LAMC1: variants seen among roughly 807,000 people sequenced by gnomAD.
The protein encoded by LAMC1 is laminin subunit gamma-1.
Under a neutral mutation model 173.6 loss-of-function variants are expected in LAMC1, and 38 were observed. That is an observed-to-expected ratio of 0.22 (90% confidence interval 0.17 to 0.29). The LOEUF (loss-of-function observed/expected upper bound fraction) is 0.29. LAMC1 is among the 10% of genes least tolerant of loss of function. LAMC1 has a pLI of 1.00. For missense variants in LAMC1, 1,824 were observed against 2,051.8 expected (o/e 0.89, Z 2.14); for synonymous variants, 746 against 749.1 (o/e 1.00, Z 0.07).
In LAMC1 at chr1:183,136,582, A is replaced by G. The variant is rs565026981; in HGVS notation, c.4311A>G (p.Gln1437=). The G allele has an allele frequency of 1.2e-5, 19 of 1,596,702 alleles. No individual in the cohort carries two copies. The highest frequency in any genetic ancestry group is 1.4e-5 in the Non-Finnish European group (16 of 1,170,664). The change falls in exon 25 of 28, where the codon CAA becomes CAG. Residue 1437 remains glutamine (Q), a synonymous_variant. Transcript: ENST00000258341. ...CGGAGAGGATCGCGAGCGCTGTCCA[A>G]AAGGTGTGCGTTTCCTCTTCTCCAA... ...HEAERIASAV[Q]KNATSTKAEA...
chr1:183,127,292 G>T lies in LAMC1; in HGVS notation c.3011G>T (p.Arg1004Ile). 3.7e-6 allele frequency: 6 copies of T among 1,614,220 alleles called. No homozygotes were observed. The highest frequency in any genetic ancestry group is 1.7e-5 in the Admixed American group (1 of 60,030). Residue 1004 changes from arginine (R) to isoleucine (I), a missense_variant, in exon 17 of 28, where the codon AGA (arginine) becomes ATA (isoleucine). By Grantham distance (97) the Arg-to-Ile change is moderately conservative (BLOSUM62 -3). Coordinates refer to ENST00000258341, the MANE Select transcript of LAMC1 (RefSeq NM_002293.4). ...QCKDDGRCEC[R>I]EGFVGNRCDQ... is the part of the protein sequence containing the mutation. ...AAAGATGATGGTCGCTGTGAATGCA[G>T]AGAAGGCTTTGTGGGAAATCGCTGT...
intron 20 of LAMC1, 84 bp downstream of exon 20, chr1:183,131,462 T>TGTGTGTGTGTGTGTGTGTG (rs56123159): frequency 2.1e-5 from 18 of 838,026 alleles, no homozygotes; most frequent in African/African-American, 3.7e-5. Flanking sequence ...TGTGTGTGTA[T>TGTGTGTGTGTGTGTGTGTG]TGTCTTATCC....
intron 11 of LAMC1, 112 bp downstream of exon 11, chr1:183,118,258 A>G (rs554291069): frequency 9.1e-4 from 546 of 601,656 alleles, no homozygotes; most frequent in Non-Finnish European, 1.4e-3. Context: ...GAAGTGTATA[A>G]CAACTCACAT....
chr1:183,045,182 A>G (rs1654236419), intron 1 of LAMC1, among the ~76,000 whole-genome samples: 1 of 149,844 alleles, frequency 6.7e-6, no homozygotes, highest in South Asian at 2.1e-4. Flanking sequence ...AGTATGAATT[A>G]TTGTTTTGTA....
intron 1 of LAMC1, among the ~76,000 whole-genome samples, chr1:183,081,923 C>T (rs938532705): frequency 3.9e-5 from 6 of 152,296 alleles, no homozygotes; most frequent in African/African-American, 1.4e-4. Flanking sequence ...CCTCCCCCAC[C>T]TCCAGGCAAT....
chr1:183,033,916 C>T (rs912524772), intron 1 of LAMC1, among the ~76,000 whole-genome samples: 1 of 151,948 alleles, frequency 6.6e-6, no homozygotes, highest in African/African-American at 2.4e-5. Context: ...CCAGGCTGGT[C>T]TCGAACTCCT....
chr1:183,131,424 A>AT (rs759909294), intron 20 of LAMC1, 46 bp downstream of exon 20: 5 of 1,058,498 alleles, frequency 4.7e-6, no homozygotes, highest in African/African-American at 2.4e-5. Context: ...GGCTTCTGTT[A>AT]TGGGGTGTGT....
In LAMC1 at chr1:183,110,660, T is replaced by C; in HGVS notation, c.1021+6T>C. The C allele has an allele frequency of 6.2e-7, 1 of 1,613,112 alleles. No homozygotes were observed. The highest frequency in any genetic ancestry group is 8.5e-7 in the Non-Finnish European group (1 of 1,179,552). The stretch of plus-strand genomic sequence containing the variant: ...AAGTGCCAGTGAATGCCTGCGTGAG[T>C]GCCCCATGACGTCAGTCTGTCAGTT... On this transcript the variant is annotated splice_donor_region_variant and intron_variant, in intron 4 of 27. Transcript: ENST00000258341.
At chr1:183,024,457 A>G (rs1558024628) in intron 1 of LAMC1, among the ~76,000 whole-genome samples, 1 of 152,148 alleles carries the variant, frequency 6.6e-6, no homozygotes, top group Non-Finnish European at 1.5e-5. Context: ...CGTTAATCAG[A>G]AACTCCCATC....
chr1:183,143,516 A>G lies in LAMC1; in HGVS notation c.*726A>G, dbSNP rs937716787. On this transcript the variant is annotated 3_prime_UTR_variant, in exon 28 of 28. Transcript: ENST00000258341. The stretch of plus-strand genomic sequence containing the variant: ...TTTTTTTCAGATCTTTGGGCAGCTG[A>G]TAATTTAAATCTGGATGGGCAGCTT... The G allele has an allele frequency of 6.6e-6, 1 of 152,634 alleles. No individual in the cohort carries two copies. The highest frequency in any genetic ancestry group is 1.5e-5 in the Non-Finnish European group (1 of 68,044). 9.5% of individuals were successfully genotyped at this position (152,634 alleles called of 1,614,324 possible). A position where few individuals can be genotyped will look rare whatever the true frequency, so the allele number is the denominator to read the frequency against.
chr1:183,137,970 TTA>T, intron 26 of LAMC1, 143 bp downstream of exon 26: 1 of 749,550 alleles, frequency 1.3e-6, no homozygotes, highest in Middle Eastern at 3.3e-4. Context: ...GGTTAGTAGC[TTA>T]CATAGAAGAC....
intron 1 of LAMC1, among the ~76,000 whole-genome samples, chr1:183,048,953 G>GTA (rs1360222460): frequency 6.6e-6 from 1 of 152,078 alleles, no homozygotes; most frequent in Admixed American, 6.5e-5. Context: ...TAACATTGTG[G>GTA]TATATATATT....
At chr1:183,026,702 T>C (rs1396235816) in intron 1 of LAMC1, among the ~76,000 whole-genome samples, 1 of 152,248 alleles carries the variant, frequency 6.6e-6, no homozygotes, top group African/African-American at 2.4e-5. Flanking sequence ...AAATGAGTAG[T>C]GTGAAAGAAC....
rs1347728807 is a variant in LAMC1, at chr1:183,143,036, C to G, written c.*246C>G. 1 of 439,358 alleles carries G rather than the reference C, an allele frequency of 2.3e-6. No homozygotes were observed. The highest frequency in any genetic ancestry group is 4.3e-5 in the East Asian group (1 of 23,478). The allele number at this position is 439,358 out of a possible 1,614,324, so 27.2% of individuals were successfully genotyped here. A position where few individuals can be genotyped will look rare whatever the true frequency, so the allele number is the denominator to read the frequency against. Reference sequence around the variant, plus strand: ...CACGTTGCTACCTTACCCACACTTTCCCTTCTGATTTGCGTGAGGACGTGG... The same window carrying G: ...CACGTTGCTACCTTACCCACACTTTGCCTTCTGATTTGCGTGAGGACGTGG... On this transcript the variant is annotated 3_prime_UTR_variant, in exon 28 of 28. Transcript: ENST00000258341.
At position 183,033,802 on chromosome 1, in the gene LAMC1, C is replaced by T. The variant is rs534864612; in HGVS notation, c.418+9668C>T. On this transcript the variant is annotated intron_variant, in intron 1 of 27. Transcript: ENST00000258341. ...CACCTCCCAGGTTCAAGCGATTCTC[C>T]TGTCTCAGCCTCCCGAGTAGCTGGG... is the stretch of plus-strand genomic sequence containing the variant. Among the ~76,000 whole-genome samples, 4 of 152,210 alleles carry T rather than the reference C, an allele frequency of 2.6e-5. No homozygotes were observed. In the East Asian group the frequency reaches 7.8e-4, roughly 30 times the overall value.
chr1:183,137,475 A>T (rs371036164), intron 25 of LAMC1, among the ~76,000 whole-genome samples, 194 bp from the exon 26 acceptor site: 5 of 123,560 alleles, frequency 4.0e-5, no homozygotes, highest in Non-Finnish European at 8.9e-5. Flanking sequence ...AAATGTTATT[A>T]TGTGGGTAGT....
At chr1:183,111,202 T>A (rs1656140871) in intron 4 of LAMC1, among the ~76,000 whole-genome samples, 1 of 151,912 alleles carries the variant, frequency 6.6e-6, no homozygotes, top group East Asian at 1.9e-4. Context: ...TTGTCTTGCC[T>A]CAGCCTCCTG....
chr1:183,030,909 A>G (rs1653832841), intron 1 of LAMC1, among the ~76,000 whole-genome samples: 1 of 152,124 alleles, frequency 6.6e-6, no homozygotes, highest in African/African-American at 2.4e-5. Flanking sequence ...CATTCGAGCT[A>G]AGAAGTTTGA....
intron 1 of LAMC1, among the ~76,000 whole-genome samples, chr1:183,081,439 A>G (rs1399453007): frequency 6.6e-6 from 1 of 151,556 alleles, no homozygotes; most frequent in Non-Finnish European, 1.5e-5. Context: ...CTCTACTGAA[A>G]ATGCAAAAAT....
Sources: allele counts gnomAD v4.1 joint callset (sites outside exome capture counted in the v4.1 genomes callset), GRCh38; gene constraint gnomAD v4.1.1; transcripts MANE v1.5; gene names NCBI Gene and HGNC (gene_info 2026-07-23, HGNC 2026-07-21).